ANAPC4: variants seen among roughly 807,000 people sequenced by gnomAD.
ANAPC4 encodes the protein anaphase promoting complex subunit 4, also known as anaphase-promoting complex subunit 4.
Under a neutral mutation model 119.8 loss-of-function variants are expected in ANAPC4, and 63 were observed. That is an observed-to-expected ratio of 0.53 (90% confidence interval 0.43 to 0.65). ANAPC4 has a LOEUF of 0.65. Among genes scored for constraint, ANAPC4 ranks in the 30% least tolerant of loss-of-function variants. ANAPC4 has a pLI of 0.00. For missense variants in ANAPC4, 716 were observed against 945.1 expected (o/e 0.76, Z 3.18); for synonymous variants, 283 against 318.6 (o/e 0.89, Z 1.19).
chr4:25,394,398 C>A, intron 12 of ANAPC4, 24 bp downstream of exon 12: 1 of 1,543,478 alleles, frequency 6.5e-7, no homozygotes, highest in South Asian at 1.2e-5. Flanking sequence ...ATTAGGTGCT[C>A]CTGTTTTTGC....
intron 2 of ANAPC4, among the ~76,000 whole-genome samples, chr4:25,377,833 C>A (rs1474607863): frequency 6.6e-6 from 1 of 152,224 alleles, no homozygotes; most frequent in African/African-American, 2.4e-5. Flanking sequence ...ATCCTGCTTC[C>A]CCAAGTCTTC....
intron 7 of ANAPC4, 81 bp downstream of exon 7, chr4:25,388,963 T>C (rs1295651155): frequency 8.6e-6 from 10 of 1,167,406 alleles, no homozygotes; most frequent in South Asian, 2.8e-5. Context: ...TAAGAGCAAA[T>C]CCTTTATTTG....
intron 21 of ANAPC4, among the ~76,000 whole-genome samples, chr4:25,412,259 A>G (rs1177960348): frequency 6.6e-6 from 1 of 152,206 alleles, no homozygotes; most frequent in Non-Finnish European, 1.5e-5. Context: ...TTCACCACCC[A>G]GAAAGTTCTC....
At chr4:25,390,659 T>C (rs543389806) in intron 8 of ANAPC4, among the ~76,000 whole-genome samples, 2 of 152,346 alleles carry the variant, frequency 1.3e-5, no homozygotes, top group African/African-American at 4.8e-5. Flanking sequence ...TTGTAGGCTC[T>C]GTGGAATATG....
Position 25,418,398 on chromosome 4 carries a change from T to C in ANAPC4, c.*16T>C. The C allele has an allele frequency of 6.2e-7, 1 of 1,611,808 alleles. No individual in the cohort carries two copies. The highest frequency in any genetic ancestry group is 8.5e-7 in the Non-Finnish European group (1 of 1,178,264). ...AGACTCCTAATCTAGCTTGCCATTA[T>C]TGTGTGTGTAATTATGGCCAAAAGG... On this transcript the variant is annotated 3_prime_UTR_variant, in exon 29 of 29. Transcript: ENST00000315368.
Position 25,402,961 on chromosome 4 carries a change from A to T in ANAPC4, c.1215-10A>T, listed in dbSNP as rs535969677. The T allele has an allele frequency of 6.5e-7, 1 of 1,527,862 alleles. No homozygotes were observed. The highest frequency in any genetic ancestry group is 9.0e-7 in the Non-Finnish European group (1 of 1,116,990). 94.6% of individuals were successfully genotyped at this position (1,527,862 alleles called of 1,614,324 possible). On this transcript the variant is annotated splice_polypyrimidine_tract_variant and intron_variant, in intron 16 of 28. Transcript: ENST00000315368. The stretch of plus-strand genomic sequence containing the variant: ...ATCTTATTTCTGATTTTTTGTTTTT[A>T]TCTCTTTAGAGTTATAGATAGTAGT...
In ANAPC4 at chr4:25,381,377, T is replaced by C. The variant is rs368299904; in HGVS notation, c.235+898T>C. Among the ~76,000 whole-genome samples, 17 of 152,222 alleles carry C rather than the reference T, an allele frequency of 1.1e-4. No individual in the cohort carries two copies. The East Asian group carries it at 2.7e-3, about 24-fold the overall frequency. ...GGTGCAATCTCGGCTCACTGCAACC[T>C]TGGGCTCACTGAAACCTTCACCTCC... is the stretch of plus-strand genomic sequence containing the variant. On this transcript the variant is annotated intron_variant, in intron 3 of 28. Coordinates refer to ENST00000315368, the MANE Select transcript of ANAPC4 (RefSeq NM_013367.3).
At chr4:25,415,327 C>T in intron 25 of ANAPC4, 139 bp from the exon 26 acceptor site, 1 of 573,716 alleles carries the variant, frequency 1.7e-6, no homozygotes, top group Admixed American at 3.5e-5. Context: ...GTTTATCTAT[C>T]TAGGCATTTA....
Position 25,415,505 on chromosome 4 carries a change from C to A in ANAPC4, c.1866C>A (p.Ser622Arg), listed in dbSNP as rs750853941. The A allele has an allele frequency of 1.9e-6, 3 of 1,613,170 alleles. No homozygotes were observed. The highest frequency in any genetic ancestry group is 2.5e-6 in the Non-Finnish European group (3 of 1,179,552). ...SNGLIAIKFG[S>R]FTYATTEKVR... ...GACTAATTGCTATTAAATTTGGGAG[C>A]TTTACATATGCCACAACAGAAAAAG... The change falls in exon 26 of 29, where the codon AGC becomes AGA. Residue 622 changes from serine (S) to arginine (R), a missense_variant. Transcript: ENST00000315368.
At chr4:25,408,749 A>G (rs1490322889) in intron 20 of ANAPC4, among the ~76,000 whole-genome samples, 4 of 151,908 alleles carry the variant, frequency 2.6e-5, no homozygotes, top group African/African-American at 9.7e-5. Context: ...TACGCCTGCC[A>G]TGGCCTCCTA....
At chr4:25,387,564 T>G (rs957813256) in intron 4 of ANAPC4, among the ~76,000 whole-genome samples, 1 of 152,236 alleles carries the variant, frequency 6.6e-6, no homozygotes, top group Non-Finnish European at 1.5e-5. Context: ...GGTTATCTGC[T>G]GTGTGTATTC....
chr4:25,401,902 C>T (rs953561855), intron 16 of ANAPC4, among the ~76,000 whole-genome samples: 1 of 151,960 alleles, frequency 6.6e-6, no homozygotes, highest in African/African-American at 2.4e-5. Flanking sequence ...TTTGGTTCAC[C>T]GTATTTGCAG....
chr4:25,381,882 G>A (rs570553376), intron 3 of ANAPC4, among the ~76,000 whole-genome samples: 22 of 152,256 alleles, frequency 1.4e-4, no homozygotes, highest in African/African-American at 5.1e-4. Flanking sequence ...GGGAGGTGGA[G>A]TTTGCAGTGA....
intron 25 of ANAPC4, among the ~76,000 whole-genome samples, chr4:25,414,906 G>A (rs963609324): frequency 1.3e-5 from 2 of 151,468 alleles, no homozygotes; most frequent in Non-Finnish European, 2.9e-5. Flanking sequence ...ATTTTTATTG[G>A]CATATAATCA....
At chr4:25,416,862 C>G (rs540855659) in intron 27 of ANAPC4, 1 of 246,662 alleles carries the variant, frequency 4.1e-6, no homozygotes, top group African/African-American at 2.2e-5. Context: ...AATGGGACTT[C>G]TTTTAGTTAC....
In ANAPC4 at chr4:25,405,453, A is replaced by G. The variant is rs1723199031; in HGVS notation, c.1271-120A>G. ...GGAAGAAAAATGTTTTTGTTGGTGA[A>G]AAGCTGTGTAAAATTGAAGATTTAG... On this transcript the variant is annotated intron_variant, in intron 17 of 28. Coordinates refer to ENST00000315368, the MANE Select transcript of ANAPC4 (RefSeq NM_013367.3). This position sits in a 1 kb window ranked among gnomAD's most constrained non-coding sequence, Gnocchi z 4.6. The G allele has an allele frequency of 3.6e-6, 3 of 832,824 alleles. No individual in the cohort carries two copies. The South Asian group carries it at 5.2e-5, about 14-fold the overall frequency. 51.6% of individuals were successfully genotyped at this position (832,824 alleles called of 1,614,324 possible).
chr4:25,386,257 G>A (rs2109114328), intron 4 of ANAPC4, among the ~76,000 whole-genome samples: 1 of 152,008 alleles, frequency 6.6e-6, no homozygotes, highest in East Asian at 1.9e-4. Context: ...CTGTCACCCA[G>A]GCCAGAGTGC....
At chr4:25,415,774 C>T (rs1219304003) in intron 26 of ANAPC4, 1 of 373,698 alleles carries the variant, frequency 2.7e-6, no homozygotes, top group African/African-American at 2.1e-5. Flanking sequence ...ATTAATACTC[C>T]TGAGCTCCCT....
intron 16 of ANAPC4, among the ~76,000 whole-genome samples, chr4:25,400,456 C>T (rs1217803304): frequency 6.6e-6 from 1 of 152,120 alleles, no homozygotes; most frequent in African/African-American, 2.4e-5. Flanking sequence ...AACAAGACAT[C>T]TGTCATCAGC....
Sources: gnomAD v4.1 joint callset for allele counts (sites outside exome capture counted in the v4.1 genomes callset) on GRCh38, gnomAD v4.1.1 for gene constraint, Gnocchi (gnomAD v3.1) non-coding constraint, MANE v1.5 for transcripts, NCBI Gene and HGNC (gene_info 2026-07-23, HGNC 2026-07-21) for gene names.